Variants in ZNF385D observed in about 807,000 individuals in gnomAD.
ZNF385D encodes zinc finger protein 385D, also known as zinc finger protein 659.
A neutral mutation model predicts 35.8 loss-of-function variants in ZNF385D; 15 were observed. The ratio of observed to expected loss-of-function variants is 0.42; its 90% CI spans 0.28 to 0.64. The LOEUF is 0.64. ZNF385D is among the 30% of genes least tolerant of loss of function. The pLI is 0.23. For missense variants in ZNF385D, 474 were observed against 494.6 expected (o/e 0.96, Z 0.39); for synonymous variants, 212 against 186.8 (o/e 1.13, Z -1.10).
At chr3:21,862,363 C>T (rs1314368940) in intron 3 of ZNF385D, among the ~76,000 whole-genome samples, 1 of 150,184 alleles carries the variant, frequency 6.7e-6, no homozygotes, top group Non-Finnish European at 1.5e-5. Context: ...AAACTGAGAA[C>T]ATACTCAAAG....
chr3:22,239,777 GT>G (rs1699385605), intron 2 of ZNF385D, among the ~76,000 whole-genome samples: 1 of 150,952 alleles, frequency 6.6e-6, no homozygotes, highest in African/African-American at 2.5e-5. Context: ...TCTCCAGAGA[GT>G]TACAATCAGT....
intron 2 of ZNF385D, among the ~76,000 whole-genome samples, chr3:22,174,931 T>A (rs1694714682): frequency 6.6e-6 from 1 of 151,960 alleles, no homozygotes; most frequent in Admixed American, 6.6e-5. Context: ...GTCTAAATAT[T>A]CCCCAAATTT....
intron 3 of ZNF385D, among the ~76,000 whole-genome samples, chr3:21,783,564 C>A (rs1275722133): frequency 6.6e-6 from 1 of 152,136 alleles, no homozygotes; most frequent in Non-Finnish European, 1.5e-5. Context: ...GACACTCTAA[C>A]AGCATTGTTT....
chr3:21,961,885 G>A (rs1702616659), intron 3 of ZNF385D, among the ~76,000 whole-genome samples: 2 of 152,152 alleles, frequency 1.3e-5, no homozygotes, highest in East Asian at 1.9e-4. Context: ...GAGCTTATGA[G>A]AAATTGAAAG....
At chr3:21,738,933 T>C (rs1367336117) in intron 1 of ZNF385D, among the ~76,000 whole-genome samples, 2 of 152,260 alleles carry the variant, frequency 1.3e-5, no homozygotes, top group Non-Finnish European at 2.9e-5. Flanking sequence ...CAGTTTGGGC[T>C]GAGTAACCTC....
intron 2 of ZNF385D, among the ~76,000 whole-genome samples, chr3:22,344,612 G>A (rs1451974713): frequency 6.6e-6 from 1 of 151,986 alleles, no homozygotes; most frequent in East Asian, 1.9e-4. Flanking sequence ...TGTAGAGAAG[G>A]GGTTTTGCCA....
intron 2 of ZNF385D, among the ~76,000 whole-genome samples, chr3:21,581,702 G>A (rs1300049262): frequency 6.6e-6 from 1 of 152,120 alleles, no homozygotes; most frequent in Non-Finnish European, 1.5e-5. Flanking sequence ...GTGTTTTGGA[G>A]CCTTGATGTA....
intron 3 of ZNF385D, among the ~76,000 whole-genome samples, chr3:21,881,958 T>C (rs1480265065): frequency 1.3e-5 from 2 of 152,032 alleles, no homozygotes; most frequent in Admixed American, 6.6e-5. Flanking sequence ...TACTGAGTTG[T>C]TGCAATCTCA....
chr3:22,128,496 A>G (rs1233792628), intron 3 of ZNF385D, among the ~76,000 whole-genome samples: 1 of 152,036 alleles, frequency 6.6e-6, no homozygotes, highest in Non-Finnish European at 1.5e-5. Flanking sequence ...CTCCTCTTTA[A>G]GATCAATAAC....
At chr3:22,285,846 T>C (rs1701996107) in intron 2 of ZNF385D, among the ~76,000 whole-genome samples, 1 of 152,120 alleles carries the variant, frequency 6.6e-6, no homozygotes, top group Admixed American at 6.6e-5. Context: ...AAAATATAGC[T>C]AGTATTAACA....
chr3:22,319,982 T>C (rs1194184376), intron 2 of ZNF385D, among the ~76,000 whole-genome samples: 1 of 152,178 alleles, frequency 6.6e-6, no homozygotes, highest in African/African-American at 2.4e-5. Flanking sequence ...AGAACTCTCT[T>C]TGACTGAGAC....
intron 2 of ZNF385D, among the ~76,000 whole-genome samples, chr3:22,233,212 A>G (rs115618174): frequency 0.015 from 2,303 of 152,266 alleles, 43 homozygotes; most frequent in African/African-American, 0.045. Context: ...TTCACTAATA[A>G]AATTGTTCAA....
At chr3:21,836,495 C>A (rs1343114787) in intron 3 of ZNF385D, among the ~76,000 whole-genome samples, 12 of 152,058 alleles carry the variant, frequency 7.9e-5, no homozygotes, top group Admixed American at 7.2e-4. Context: ...GGATATAACA[C>A]ATTACAGAGA....
At chr3:21,902,126 T>G (rs1402240880) in intron 3 of ZNF385D, among the ~76,000 whole-genome samples, 4 of 152,168 alleles carry the variant, frequency 2.6e-5, no homozygotes, top group Non-Finnish European at 5.9e-5. Flanking sequence ...GACAAAACAT[T>G]TGTAGAAATC....
At chr3:21,877,191 C>T (rs984491131) in intron 3 of ZNF385D, among the ~76,000 whole-genome samples, 3 of 152,054 alleles carry the variant, frequency 2.0e-5, no homozygotes, top group Non-Finnish European at 4.4e-5. Flanking sequence ...ATTTCAGATA[C>T]TCTTTCTGTT....
intron 2 of ZNF385D, among the ~76,000 whole-genome samples, chr3:22,249,822 A>G (rs929726643): frequency 2.0e-5 from 3 of 152,162 alleles, no homozygotes; most frequent in African/African-American, 7.2e-5. Context: ...TAGGACCACT[A>G]GAGTCCACCT....
chr3:21,898,073 A>G (rs1357603630), intron 3 of ZNF385D, among the ~76,000 whole-genome samples: 1 of 152,146 alleles, frequency 6.6e-6, no homozygotes, highest in Non-Finnish European at 1.5e-5. Flanking sequence ...TGTATCGTCA[A>G]ATGTTAGACT....
At chr3:21,905,424 T>C (rs1215715232) in intron 3 of ZNF385D, among the ~76,000 whole-genome samples, 1 of 152,010 alleles carries the variant, frequency 6.6e-6, no homozygotes, top group South Asian at 2.1e-4. Flanking sequence ...TCATTTACTT[T>C]AGCTTGTCAG....
chr3:21,590,426 T>C (rs1324029822), intron 2 of ZNF385D, among the ~76,000 whole-genome samples: 1 of 152,208 alleles, frequency 6.6e-6, no homozygotes, highest in South Asian at 2.1e-4. Context: ...TTATATTACA[T>C]TATGCTTTTA....
Sources: allele counts gnomAD v4.1 joint callset (sites outside exome capture counted in the v4.1 genomes callset), GRCh38; gene constraint gnomAD v4.1.1; transcripts MANE v1.5; gene names NCBI Gene and HGNC (gene_info 2026-07-23, HGNC 2026-07-21).